ZNF30: variants seen among roughly 807,000 people sequenced by gnomAD.
ZNF30 encodes zinc finger protein 30, also known as zinc finger protein 30 (KOX 28).
ZNF30 carries 15 observed loss-of-function variants against 13.2 expected under a neutral mutation model. That is an observed-to-expected ratio of 1.13 (90% CI 0.76 to 1.75). The LOEUF is 1.75. Among genes scored for constraint, ZNF30 ranks in the 40% most tolerant of loss-of-function variants. The probability of loss-of-function intolerance (pLI) is 0.00; values close to 1 mark genes in which losing one functional copy is unlikely to be tolerated. For synonymous variants in ZNF30, 223 were observed against 256.6 expected, an observed-to-expected ratio of 0.87 and a Z score of 1.25; for missense variants, 726 against 757.0, an observed-to-expected ratio of 0.96 and a Z score of 0.48.
rs1262186005 is a variant in ZNF30, at chr19:34,933,675, A to G, written c.208A>G (p.Lys70Glu). The change falls in exon 4 of 5, where the codon AAA becomes GAA. Residue 70 changes from lysine (K) to glutamate (E), a missense_variant. Physicochemically the swap from Lys to Glu is moderately conservative, Grantham distance 56 (BLOSUM62 1). Coordinates refer to ENST00000601142, the MANE Select transcript of ZNF30 (RefSeq NM_194325.3). ...PHVIALLEQW[K>E]EPEVTVRKDG... ...TGTGATCGCCTTATTGGAACAATGG[A>G]AAGAGCCTGAAGTGACAGTGAGGAA... 1 of 1,600,110 alleles carries G rather than the reference A, an allele frequency of 6.2e-7. No homozygotes were observed. Among genetic ancestry groups the G allele is most frequent in the African/African-American group, 1.3e-5 (1 of 74,706 alleles).
rs1409342189 is a variant in ZNF30 at position 34,944,314 on chromosome 19, C to T, written c.1348C>T (p.His450Tyr). 4.3e-6 allele frequency: 7 copies of T among 1,613,812 alleles called. No individual in the cohort carries two copies. In the African/African-American group the frequency reaches 8.0e-5, roughly 18 times the overall value. The change falls in exon 5 of 5, where the codon CAT becomes TAT. Residue 450 changes from histidine to tyrosine, a missense_variant. Physicochemically the swap from His to Tyr is moderately conservative, Grantham distance 83 (BLOSUM62 2). Transcript: ENST00000601142. ...RHQLTVHQRVHTGEKPYECKE... is the reference protein window; with the variant it reads ...RHQLTVHQRVYTGEKPYECKE... ...TCAGCTTACCGTACATCAAAGGGTT[C>T]ATACTGGAGAGAAACCCTATGAGTG...
chr19:34,928,508 T>TA (rs2012250022), intron 1 of ZNF30, among the ~76,000 whole-genome samples: 1 of 151,938 alleles, frequency 6.6e-6, no homozygotes, highest in East Asian at 1.9e-4. Flanking sequence ...CTATTATAGT[T>TA]GTTCTATTTT....
intron 4 of ZNF30, among the ~76,000 whole-genome samples, chr19:34,937,309 G>T (rs1029580530): frequency 6.6e-6 from 1 of 152,048 alleles, no homozygotes; most frequent in Non-Finnish European, 1.5e-5. Flanking sequence ...TACTGCACCC[G>T]GCCAGTAGTG....
chr19:34,933,274 T>C (rs1299387843), intron 3 of ZNF30, among the ~76,000 whole-genome samples: 2 of 151,880 alleles, frequency 1.3e-5, no homozygotes, highest in Non-Finnish European at 2.9e-5. Context: ...GCCAACATGG[T>C]GACATCCGTC....
In ZNF30 at chr19:34,927,205, A is replaced by G. The variant is rs1038492465; in HGVS notation, c.-76A>G. On this transcript the variant is annotated 5_prime_UTR_variant, in exon 1 of 5. Transcript: ENST00000601142. Reference sequence around the variant, plus strand: ...AGACCTGTGTCGGCGCGGAACCCGGACTGAGACATGCGTGAGCGTTGGGTG... The same window carrying G: ...AGACCTGTGTCGGCGCGGAACCCGGGCTGAGACATGCGTGAGCGTTGGGTG... The G allele has an allele frequency of 1.3e-5, 5 of 384,238 alleles. No homozygotes were observed. The highest frequency in any genetic ancestry group is 1.0e-4 in the African/African-American group (5 of 48,172). The allele number at this position is 384,238 out of a possible 1,614,324, so 23.8% of individuals were successfully genotyped here.
Position 34,934,545 on chromosome 19 carries a change from A to G in ZNF30, c.256+822A>G, listed in dbSNP as rs546769420. Among the ~76,000 whole-genome samples, 230 of 152,330 alleles carry G rather than the reference A, an allele frequency of 1.5e-3. No individual in the cohort carries two copies. In the Middle Eastern group the frequency reaches 0.017, roughly 11 times the overall value. On this transcript the variant is annotated intron_variant, in intron 4 of 4. Coordinates refer to ENST00000601142, the MANE Select transcript of ZNF30 (RefSeq NM_194325.3). ...CTCCCAAAGTACTGAGATTACAGGT[A>G]TGAGCCATCGTGCCTGGCCAGGAAT...
intron 4 of ZNF30, among the ~76,000 whole-genome samples, chr19:34,940,305 T>C (rs10411042): frequency 0.083 from 12,640 of 152,216 alleles, 1,745 homozygotes; most frequent in African/African-American, 0.29. Context: ...CTTGGGACCA[T>C]GATTATCCAA....
Position 34,944,244 on chromosome 19 carries a change from A to T in ZNF30, c.1278A>T (p.Lys426Asn). ...ATCAGAGGATCCATACTGGGGAGAA[A>T]CCCTATGAATGTAAGGAATGTGGCA... ...VQHQRIHTGE[K>N]PYECKECGKA... The change falls in exon 5 of 5, where the codon AAA (lysine) becomes AAT (asparagine). Residue 426 changes from lysine to asparagine, a missense_variant. Transcript: ENST00000601142. 6.2e-7 allele frequency: 1 copy of T among 1,612,930 alleles called. No individual in the cohort carries two copies. Among genetic ancestry groups the T allele is most frequent in the South Asian group, 1.1e-5 (1 of 91,022 alleles).
intron 3 of ZNF30, among the ~76,000 whole-genome samples, chr19:34,933,400 C>T (rs1412471656): frequency 6.6e-6 from 1 of 152,068 alleles, no homozygotes; most frequent in African/African-American, 2.4e-5. Context: ...TTGCAGTGAG[C>T]TGAGATCGCA....
At position 34,933,588 on chromosome 19, in the gene ZNF30, C is replaced by T. The variant is rs200003540; in HGVS notation, c.161-40C>T. On this transcript the variant is annotated intron_variant, in intron 3 of 4. Transcript: ENST00000601142. ...CCAAAGCTGGAAGTATTTTTGAACT[C>T]ATATTTTATTTCTTTTCTACATTCT... 1,477 of 1,447,532 alleles carry T rather than the reference C, an allele frequency of 1.0e-3. 1 individual carries two copies. Among genetic ancestry groups the T allele is most frequent in the Non-Finnish European group, 1.3e-3 (1,386 of 1,051,812 alleles). The allele number at this position is 1,447,532 out of a possible 1,614,324, so 89.7% of individuals were successfully genotyped here.
chr19:34,928,252 T>TAGATAGATAGATAGATAG (rs1555778330), intron 1 of ZNF30, among the ~76,000 whole-genome samples: 1 of 56,576 alleles, frequency 1.8e-5, no homozygotes, highest in African/African-American at 1.1e-4. Context: ...TATATATATA[T>TAGATAGATAGATAGATAG]ATAGATAGAT....
chr19:34,944,218 C>A lies in ZNF30; in HGVS notation c.1252C>A (p.His418Asn), dbSNP rs201583123. 2 of 1,613,752 alleles carry A rather than the reference C, an allele frequency of 1.2e-6. No homozygotes were observed. The highest frequency in any genetic ancestry group is 1.7e-6 in the Non-Finnish European group (2 of 1,179,980). Reference protein sequence around the residue: ...AFSTGSYLVQHQRIHTGEKPY... With the variant: ...AFSTGSYLVQNQRIHTGEKPY... ...TAGTACTGGCTCATACCTTGTTCAG[C>A]ATCAGAGGATCCATACTGGGGAGAA... Residue 418 changes from histidine (H) to asparagine (N), a missense_variant, in exon 5 of 5, where the codon CAT becomes AAT. By Grantham distance (68) the His-to-Asn change is moderately conservative. Coordinates refer to ENST00000601142, the MANE Select transcript of ZNF30 (RefSeq NM_194325.3).
At position 34,943,647 on chromosome 19, in the gene ZNF30, TG is replaced by T. The variant is rs779434024; in HGVS notation, c.684del (p.Lys229ArgfsTer14). On this transcript the variant is annotated frameshift_variant, in exon 5 of 5. Coordinates refer to ENST00000601142, the MANE Select transcript of ZNF30 (RefSeq NM_194325.3). LOFTEE classifies it low-confidence loss of function (END_TRUNC). ...TTACAGTACATAAGAGTATTCATAC[TG>T]GGAAGAAACCATATGAGTGCGGGGA... is the stretch of plus-strand genomic sequence containing the variant. Reference protein sequence around the residue: ...QLTVHKSIHTGKKPYECGECG... With the variant: ...QLTVHKSIHTXKKPYECGECG... 11 of 1,613,782 alleles carry T rather than the reference TG, an allele frequency of 6.8e-6. 1 individual carries two copies. In the South Asian group the frequency reaches 1.2e-4, roughly 18 times the overall value.
At chr19:34,940,114 A>G (rs1425064442) in intron 4 of ZNF30, among the ~76,000 whole-genome samples, 3 of 152,172 alleles carry the variant, frequency 2.0e-5, no homozygotes, top group Non-Finnish European at 4.4e-5. Flanking sequence ...AAACTCAAAA[A>G]CTAAAAATTG....
chr19:34,926,393 A>G (rs1340667381), upstream of ZNF30, among the ~76,000 whole-genome samples: 1 of 152,226 alleles, frequency 6.6e-6, no homozygotes, highest in Non-Finnish European at 1.5e-5. Context: ...TATTACATAT[A>G]GTTAATATCT....
At position 34,943,985 on chromosome 19, in the gene ZNF30, G is replaced by T. The variant is rs777745957; in HGVS notation, c.1019G>T (p.Gly340Val). ...ACTCGACATCAGAGTATTCATACTG[G>T]TGAGAAACCTTTTGAATGTAAGGAA... The part of the protein sequence containing the change: ...QLTRHQSIHT[G>V]EKPFECKECG... The change falls in exon 5 of 5, where the codon GGT becomes GTT. Residue 340 changes from glycine to valine, a missense_variant. Coordinates refer to ENST00000601142, the MANE Select transcript of ZNF30 (RefSeq NM_194325.3). The T allele has an allele frequency of 1.2e-6, 2 of 1,614,024 alleles. No homozygotes were observed.
chr19:34,929,225 G>A (rs1249120619), intron 1 of ZNF30, among the ~76,000 whole-genome samples: 1 of 152,192 alleles, frequency 6.6e-6, no homozygotes, highest in Admixed American at 6.5e-5. Context: ...GTAGGTTGCC[G>A]TGAGCCAAGA....
At chr19:34,932,794 T>A (rs1056991928) in intron 3 of ZNF30, among the ~76,000 whole-genome samples, 1 of 151,386 alleles carries the variant, frequency 6.6e-6, no homozygotes, top group African/African-American at 2.4e-5. Flanking sequence ...TTTTTTTTTT[T>A]TTTTGAGACA....
chr19:34,930,093 C>A, intron 2 of ZNF30, 137 bp downstream of exon 2: 3 of 865,326 alleles, frequency 3.5e-6, no homozygotes, highest in South Asian at 3.5e-5. Flanking sequence ...GGAATGATGT[C>A]AAAGTATCGT....
Sources: gnomAD v4.1 joint callset for allele counts (sites outside exome capture counted in the v4.1 genomes callset) on GRCh38, gnomAD v4.1.1 for gene constraint, MANE v1.5 for transcripts, NCBI Gene and HGNC (gene_info 2026-07-23, HGNC 2026-07-21) for gene names.